The following SRPK1 variants were observed in gnomAD, a reference collection of about 807,000 sequenced individuals.
SRPK1 encodes the protein SFRS protein kinase 1.
SRPK1 carries 52 observed loss-of-function variants against 89.5 expected under a neutral mutation model. The ratio of observed to expected loss-of-function variants is 0.58; its 90% CI spans 0.46 to 0.73. The LOEUF is 0.73. Ranked by LOEUF, SRPK1 falls within the 30% of genes least tolerant of loss-of-function variation. SRPK1 has a pLI of 0.00. For missense variants in SRPK1, 603 were observed against 780.6 expected (o/e 0.77, Z 2.71); for synonymous variants, 255 against 270.2 (o/e 0.94, Z 0.55).
At chr6:35,919,689 CT>C (rs1181387298) in intron 2 of SRPK1, among the ~76,000 whole-genome samples, 2 of 151,992 alleles carry the variant, frequency 1.3e-5, no homozygotes, top group Non-Finnish European at 2.9e-5. Context: ...CTGTGACCAA[CT>C]TTTGAACTTG....
In SRPK1 at chr6:35,886,596, TAC is replaced by T. The variant is rs1770414172; in HGVS notation, c.478+126_478+127del. 5 of 677,920 alleles carry T rather than the reference TAC, an allele frequency of 7.4e-6. No individual in the cohort carries two copies. The South Asian group carries it at 8.0e-5, about 11-fold the overall frequency. 42.0% of individuals were successfully genotyped at this position (677,920 alleles called of 1,614,324 possible). Reference sequence around the variant, plus strand: ...AAATTCAGATGTGTGTTCAGAAGTGTACAATAAAAGAGGTAATTTTATTATAG... The same window carrying T: ...AAATTCAGATGTGTGTTCAGAAGTGTAATAAAAGAGGTAATTTTATTATAG... On this transcript the variant is annotated intron_variant, in intron 6 of 15. Transcript: ENST00000373825.
At chr6:35,858,543 G>A (rs1769713815) in intron 12 of SRPK1, among the ~76,000 whole-genome samples, 2 of 152,094 alleles carry the variant, frequency 1.3e-5, no homozygotes, top group African/African-American at 2.4e-5. Flanking sequence ...ATCAAAACTG[G>A]AAACTATAAA....
chr6:35,902,521 C>T (rs1770765814), intron 2 of SRPK1, among the ~76,000 whole-genome samples: 1 of 152,090 alleles, frequency 6.6e-6, no homozygotes, highest in Non-Finnish European at 1.5e-5. Flanking sequence ...AGAAAGCAGT[C>T]ATCCAAAAAC....
chr6:35,915,772 A>G (rs1044847708), intron 2 of SRPK1, among the ~76,000 whole-genome samples: 2 of 151,904 alleles, frequency 1.3e-5, no homozygotes, highest in African/African-American at 4.8e-5. Flanking sequence ...GGAGATGGAG[A>G]CCATTCTGGC....
At position 35,835,325 on chromosome 6, in the gene SRPK1, C is replaced by T; in HGVS notation, c.1947G>A (p.Arg649=). ...EKRATAAECL[R]HPWLNS ...GGGCTTAGGAGTTAAGCCAAGGGTG[C>T]CGGAGACACTCGGCGGCAGTGGCTC... The change falls in exon 16 of 16, where the codon CGG becomes CGA. Residue 649 remains arginine (R), a synonymous_variant. Transcript: ENST00000373825. 6.2e-7 allele frequency: 1 copy of T among 1,613,490 alleles called. No homozygotes were observed. Among genetic ancestry groups the T allele is most frequent in the South Asian group, 1.1e-5 (1 of 90,998 alleles).
chr6:35,865,274 T>G (rs1461766378), intron 12 of SRPK1, among the ~76,000 whole-genome samples: 4 of 152,166 alleles, frequency 2.6e-5, no homozygotes, highest in African/African-American at 7.2e-5. Flanking sequence ...ATTGCATGCC[T>G]GTATCAAAAC....
intron 12 of SRPK1, among the ~76,000 whole-genome samples, chr6:35,863,079 A>T (rs1769818944): frequency 6.6e-6 from 1 of 152,140 alleles, no homozygotes; most frequent in East Asian, 1.9e-4. Flanking sequence ...TGAGCCCAGG[A>T]GATTGAAGCT....
intron 6 of SRPK1, among the ~76,000 whole-genome samples, chr6:35,884,408 GA>G (rs939616739): frequency 6.6e-6 from 1 of 152,086 alleles, no homozygotes; most frequent in Non-Finnish European, 1.5e-5. Context: ...GTGGTCCAGA[GA>G]AAAAAACGCC....
intron 12 of SRPK1, among the ~76,000 whole-genome samples, chr6:35,868,807 T>C (rs1365200338): frequency 1.3e-5 from 2 of 152,152 alleles, no homozygotes; most frequent in African/African-American, 4.8e-5. Context: ...AGAAGGACTT[T>C]TCATGATCAC....
intron 8 of SRPK1, 133 bp downstream of exon 8, chr6:35,872,430 G>T: frequency 1.2e-6 from 1 of 822,844 alleles, no homozygotes; most frequent in South Asian, 2.5e-5. Context: ...ATGTCTCTTG[G>T]AAGCTGATAA....
At position 35,891,150 on chromosome 6, in the gene SRPK1, A is replaced by T. The variant is rs1050802793; in HGVS notation, c.75-137T>A. The T allele has an allele frequency of 5.9e-6, 6 of 1,017,848 alleles. No homozygotes were observed. In the African/African-American group the frequency reaches 8.3e-5, roughly 14 times the overall value. The allele number at this position is 1,017,848 out of a possible 1,614,324, so 63.1% of individuals were successfully genotyped here. A position where few individuals can be genotyped will look rare whatever the true frequency, so the allele number is the denominator to read the frequency against. On this transcript the variant is annotated intron_variant, in intron 2 of 15. Transcript: ENST00000373825. The stretch of plus-strand genomic sequence containing the variant: ...TTACCAAGTGGCAGCCTAGGAAAAT[A>T]TTAGCTGTAGTTTTACCTCATGTTA...
chr6:35,889,238 C>T (rs920422792), intron 3 of SRPK1, among the ~76,000 whole-genome samples: 13 of 151,342 alleles, frequency 8.6e-5, no homozygotes, highest in Non-Finnish European at 2.9e-5. Flanking sequence ...TTTATCTAAA[C>T]ATATATATCT....
At chr6:35,879,100 T>C (rs940955607) in intron 6 of SRPK1, among the ~76,000 whole-genome samples, 7 of 151,590 alleles carry the variant, frequency 4.6e-5, no homozygotes, top group Admixed American at 4.6e-4. Context: ...AATAAATAAA[T>C]AGACTAGGAC....
intron 2 of SRPK1, among the ~76,000 whole-genome samples, chr6:35,908,715 G>A (rs1029079991): frequency 6.6e-6 from 1 of 152,226 alleles, no homozygotes; most frequent in Non-Finnish European, 1.5e-5. Context: ...CAAGCTGGCT[G>A]CTAATCACCA....
At chr6:35,860,322 T>C (rs1489675963) in intron 12 of SRPK1, among the ~76,000 whole-genome samples, 2 of 152,172 alleles carry the variant, frequency 1.3e-5, no homozygotes, top group Non-Finnish European at 2.9e-5. Context: ...AATGGATTAA[T>C]GGGTTATCAC....
chr6:35,846,316 C>T (rs1049757720), intron 13 of SRPK1, among the ~76,000 whole-genome samples: 1 of 151,224 alleles, frequency 6.6e-6, no homozygotes, highest in Non-Finnish European at 1.5e-5. Flanking sequence ...ATAGGCCAGG[C>T]GCAGTGGCTC....
At chr6:35,842,721 TC>T in intron 13 of SRPK1, 117 bp from the exon 14 acceptor site, 8 of 465,814 alleles carry the variant, frequency 1.7e-5, no homozygotes, top group South Asian at 6.6e-5. Flanking sequence ...AACTTATAGA[TC>T]ATTTAAAAAA....
At chr6:35,848,818 AC>A (rs972079975) in intron 13 of SRPK1, among the ~76,000 whole-genome samples, 10 of 152,132 alleles carry the variant, frequency 6.6e-5, no homozygotes, top group African/African-American at 2.4e-4. Flanking sequence ...AAACTGGACC[AC>A]CCTCATCTCA....
chr6:35,872,468 T>A, intron 8 of SRPK1, 95 bp downstream of exon 8: 1 of 1,112,086 alleles, frequency 9.0e-7, no homozygotes, highest in Non-Finnish European at 1.2e-6. Context: ...ATTGTTGAAA[T>A]GGATTGAGTG....
Sources: gnomAD v4.1 joint callset for allele counts (sites outside exome capture counted in the v4.1 genomes callset) on GRCh38, gnomAD v4.1.1 for gene constraint, MANE v1.5 for transcripts, NCBI Gene and HGNC (gene_info 2026-07-23, HGNC 2026-07-21) for gene names.